Variants in NUP58 observed in about 807,000 individuals in gnomAD.
NUP58 encodes nucleoporin 58.
NUP58 carries 17 observed loss-of-function variants against 70.1 expected under a neutral mutation model. That is an observed-to-expected ratio of 0.24 (90% CI 0.17 to 0.36). NUP58 has a LOEUF of 0.36. Among genes scored for constraint, NUP58 ranks in the 10% least tolerant of loss-of-function variants. NUP58 has a pLI of 1.00. For missense variants in NUP58, 644 were observed against 701.5 expected (o/e 0.92, Z 0.93); for synonymous variants, 275 against 257.6 (o/e 1.07, Z -0.65).
chr13:25,325,942 A>G (rs540214092), intron 10 of NUP58, among the ~76,000 whole-genome samples: 3 of 152,266 alleles, frequency 2.0e-5, no homozygotes, highest in Admixed American at 1.3e-4. Context: ...AAATTCCTGT[A>G]TGCCTTTCAT....
chr13:25,340,149 G>GT lies in NUP58; in HGVS notation c.*17dup, dbSNP rs1432459238. On this transcript the variant is annotated 3_prime_UTR_variant, in exon 16 of 16. Coordinates refer to ENST00000381736, the MANE Select transcript of NUP58 (RefSeq NM_014089.4). Reference sequence around the variant, plus strand: ...GAAAAAGATAAACATGGGTTGATGTGTTGAGAGAATCCATAGCAGCACCGT... The same window carrying GT: ...GAAAAAGATAAACATGGGTTGATGTGTTTGAGAGAATCCATAGCAGCACCGT... The GT allele has an allele frequency of 6.2e-7, 1 of 1,601,568 alleles. No homozygotes were observed. The highest frequency in any genetic ancestry group is 8.5e-7 in the Non-Finnish European group (1 of 1,174,692).
At position 25,314,752 on chromosome 13, in the gene NUP58, A is replaced by G. The variant is rs1042969367; in HGVS notation, c.575-605A>G. Among the ~76,000 whole-genome samples, 8 of 152,174 alleles carry G rather than the reference A, an allele frequency of 5.3e-5. 1 individual carries two copies. Among genetic ancestry groups the G allele is most frequent in the African/African-American group, 1.7e-4 (7 of 41,460 alleles). On this transcript the variant is annotated intron_variant, in intron 5 of 15. Coordinates refer to ENST00000381736, the MANE Select transcript of NUP58 (RefSeq NM_014089.4). ...AGATTTATCAACACAAGATGCTTGA[A>G]ATTTTGCGCTTGACTCACAAGTGTA...
intron 5 of NUP58, among the ~76,000 whole-genome samples, chr13:25,314,610 A>G (rs190906003): frequency 1.2e-3 from 177 of 152,234 alleles, no homozygotes; most frequent in African/African-American, 4.1e-3. Flanking sequence ...CAGGACAATC[A>G]CTTGAACCTG....
intron 13 of NUP58, chr13:25,334,964 A>C (rs2031730123): frequency 2.3e-5 from 23 of 984,828 alleles, no homozygotes; most frequent in Non-Finnish European, 2.7e-5. Flanking sequence ...AGACTTCTTG[A>C]ATTGTTTACG....
intron 13 of NUP58, chr13:25,333,169 T>TA: frequency 5.1e-6 from 5 of 985,226 alleles, no homozygotes; most frequent in Non-Finnish European, 6.0e-6. Flanking sequence ...AGATTATTAT[T>TA]TTGAGAAATT....
In NUP58 at chr13:25,334,550, C is replaced by T. The variant is rs980979260; in HGVS notation, c.1436-2386C>T. On this transcript the variant is annotated intron_variant, in intron 13 of 15. Transcript: ENST00000381736. The stretch of plus-strand genomic sequence containing the variant: ...TTGTTGTATTTAATAACCAAAGGAA[C>T]ATTCCCCATTAAATCAGTAAGAGTA... 7.1e-6 allele frequency: 7 copies of T among 985,122 alleles called. No homozygotes were observed. The African/African-American group carries it at 1.0e-4, about 15-fold the overall frequency. 61.0% of individuals were successfully genotyped at this position (985,122 alleles called of 1,614,324 possible). A position where few individuals can be genotyped will look rare whatever the true frequency, so the allele number is the denominator to read the frequency against.
intron 1 of NUP58, among the ~76,000 whole-genome samples, chr13:25,305,143 T>TGTTTG (rs1222389603): frequency 0.046 from 478 of 10,282 alleles, 12 homozygotes; most frequent in Middle Eastern, 0.17. Context: ...TTTTTTTTTT[T>TGTTTG]TTTTTTTTTT....
chr13:25,331,978 A>G, intron 13 of NUP58: 1 of 1,025,126 alleles, frequency 9.8e-7, no homozygotes, highest in Non-Finnish European at 1.2e-6. Context: ...CATTTTCCTC[A>G]TACATAGTGA....
At chr13:25,306,968 T>C (rs751071391) in intron 1 of NUP58, among the ~76,000 whole-genome samples, 1 of 152,012 alleles carries the variant, frequency 6.6e-6, no homozygotes, top group Non-Finnish European at 1.5e-5. Context: ...TTTTCTATGC[T>C]TTTTTTGGTG....
rs1249746737 is a variant in NUP58 at position 25,341,690 on chromosome 13, A to G, written c.*1556A>G. ...TGACATCAGGTGGATATAAAAGAAA[A>G]CCCTTGGAAAGAGAACTGCCTTAGC... On this transcript the variant is annotated 3_prime_UTR_variant, in exon 16 of 16. Transcript: ENST00000381736. 1 of 152,568 alleles carries G rather than the reference A, an allele frequency of 6.6e-6. No individual in the cohort carries two copies. Among genetic ancestry groups the G allele is most frequent in the Non-Finnish European group, 1.5e-5 (1 of 68,006 alleles). The allele number at this position is 152,568 out of a possible 1,614,324, so 9.5% of individuals were successfully genotyped here. A position where few individuals can be genotyped will look rare whatever the true frequency, so the allele number is the denominator to read the frequency against.
intron 3 of NUP58, 126 bp from the exon 4 acceptor site, chr13:25,312,757 T>C (rs1488853543): frequency 4.7e-6 from 4 of 842,770 alleles, no homozygotes; most frequent in Non-Finnish European, 7.2e-6. Flanking sequence ...AGATACACCC[T>C]TCTTCTATTG....
intron 13 of NUP58, chr13:25,333,775 CTTTGTT>C (rs911282529): frequency 1.2e-5 from 12 of 985,206 alleles, no homozygotes; most frequent in Middle Eastern, 5.2e-4. Context: ...TCTGTGAAAT[CTTTGTT>C]TTTAAGTGCC....
At chr13:25,304,047 G>C (rs961922087) in intron 1 of NUP58, among the ~76,000 whole-genome samples, 15 of 152,248 alleles carry the variant, frequency 9.9e-5, no homozygotes, top group Admixed American at 9.2e-4. Context: ...TCATTTTAGG[G>C]GAGTTCTCAC....
chr13:25,321,786 G>A (rs924050180), intron 9 of NUP58, among the ~76,000 whole-genome samples: 2 of 152,096 alleles, frequency 1.3e-5, no homozygotes, highest in South Asian at 4.1e-4. Context: ...GCGTGGTGGT[G>A]CATGCCTATA....
Position 25,342,024 on chromosome 13 carries a change from T to G in NUP58, c.*1890T>G, listed in dbSNP as rs2031972945. On this transcript the variant is annotated 3_prime_UTR_variant, in exon 16 of 16. Coordinates refer to ENST00000381736, the MANE Select transcript of NUP58 (RefSeq NM_014089.4). ...GTGGTTGGCTTTTTTGAATTGAAAT[T>G]TTTGCGCATTGATGCATTGAAATAA... 6.6e-6 allele frequency: 1 copy of G among 152,168 alleles called. No individual in the cohort carries two copies. The highest frequency in any genetic ancestry group is 1.5e-5 in the Non-Finnish European group (1 of 68,024). 9.4% of individuals were successfully genotyped at this position (152,168 alleles called of 1,614,324 possible).
At chr13:25,309,378 C>A in intron 3 of NUP58, 96 bp downstream of exon 3, 1 of 964,912 alleles carries the variant, frequency 1.0e-6, no homozygotes. Flanking sequence ...TAATATTTCA[C>A]AGAGCTGGAG....
chr13:25,326,804 T>A (rs1430594564), intron 10 of NUP58, 112 bp from the exon 11 acceptor site: 3 of 519,880 alleles, frequency 5.8e-6, no homozygotes. Flanking sequence ...TTTCCTTGGA[T>A]AACCTTGATA....
intron 12 of NUP58, among the ~76,000 whole-genome samples, chr13:25,327,829 G>A (rs2031454815): frequency 6.6e-6 from 1 of 152,050 alleles, no homozygotes; most frequent in Non-Finnish European, 1.5e-5. Flanking sequence ...TTGTATGGTT[G>A]TACATTGTTT....
intron 3 of NUP58, 23 bp downstream of exon 3, chr13:25,309,305 C>T (rs1011196473): frequency 5.1e-6 from 8 of 1,573,488 alleles, no homozygotes; most frequent in Non-Finnish European, 7.0e-6. Flanking sequence ...GAGGAAAGAT[C>T]CCAGCTCTGT....
Sources: gnomAD v4.1 joint callset for allele counts (sites outside exome capture counted in the v4.1 genomes callset) on GRCh38, gnomAD v4.1.1 for gene constraint, MANE v1.5 for transcripts, NCBI Gene and HGNC (gene_info 2026-07-23, HGNC 2026-07-21) for gene names.